Variants in ABCC4 observed in about 807,000 individuals in gnomAD.
The protein encoded by ABCC4 is ATP binding cassette subfamily C member 4 (PEL blood group), also known as ATP-binding cassette sub-family C member 4.
A neutral mutation model predicts 168.5 loss-of-function variants in ABCC4; 102 were observed. The observed-to-expected ratio is 0.61, with a 90% CI of 0.52 to 0.71. The LOEUF (loss-of-function observed/expected upper bound fraction) is 0.71, where lower values mean the gene tolerates loss of function less well. Among genes scored for constraint, ABCC4 ranks in the 30% least tolerant of loss-of-function variants. ABCC4 has a pLI of 0.00. For synonymous variants in ABCC4, 617 were observed against 590.7 expected, an observed-to-expected ratio of 1.04 and a Z score of -0.65; for missense variants, 1,402 against 1,605.8, an observed-to-expected ratio of 0.87 and a Z score of 2.17.
intron 24 of ABCC4, 98 bp downstream of exon 24, chr13:95,073,106 G>A: frequency 1.1e-6 from 1 of 933,172 alleles, no homozygotes; most frequent in Non-Finnish European, 1.6e-6. Flanking sequence ...TACCAAAGAT[G>A]TAAAAATAAC....
intron 20 of ABCC4, among the ~76,000 whole-genome samples, chr13:95,105,149 T>C (rs966305706): frequency 1.3e-5 from 2 of 151,718 alleles, no homozygotes; most frequent in Non-Finnish European, 2.9e-5. Context: ...CACTAGATTC[T>C]CATAAGGTAG....
At chr13:95,190,184 G>GA (rs945634415) in intron 9 of ABCC4, among the ~76,000 whole-genome samples, 8 of 150,930 alleles carry the variant, frequency 5.3e-5, no homozygotes, top group East Asian at 3.9e-4. Flanking sequence ...ATCTCTTAAA[G>GA]AAAAAAAAAT....
chr13:95,103,704 T>C lies in ABCC4; in HGVS notation c.2535+12218A>G, dbSNP rs114381442. On this transcript the variant is annotated intron_variant, in intron 20 of 30. Transcript: ENST00000645237. Reference sequence around the variant, plus strand: ...AAACCAGTATCCTTTCTTGTTTTCCTGATGCTGGTACAACCCCATCTTTCT... The same window carrying C: ...AAACCAGTATCCTTTCTTGTTTTCCCGATGCTGGTACAACCCCATCTTTCT... 4.9e-3 allele frequency among the ~76,000 whole-genome samples: 752 copies of C among 152,318 alleles called. 9 individuals are homozygous for C. The highest frequency in any genetic ancestry group is 0.017 in the African/African-American group (712 of 41,568).
chr13:95,083,200 T>C lies in ABCC4; in HGVS notation c.2626A>G (p.Ile876Val). ...TCCAAAAAATATCGCCGAAGAAAAA[T>C]GAAAATGATTCCAAGGGGAACCAAG... ...IPLVPLGIIF[I>V]FLRRYFLETS... Residue 876 changes from isoleucine (I) to valine (V), a missense_variant, in exon 21 of 31, where the codon ATT (isoleucine) becomes GTT (valine). Around this residue, in one of 3 missense-constraint regions of ABCC4, gnomAD observed 1,007 missense variants for 1,127.3 expected, o/e 0.89. Coordinates refer to ENST00000645237, the MANE Select transcript of ABCC4 (RefSeq NM_005845.5). 6.2e-7 allele frequency: 1 copy of C among 1,613,728 alleles called. No homozygotes were observed. Among genetic ancestry groups the C allele is most frequent in the Non-Finnish European group, 8.5e-7 (1 of 1,179,892 alleles).
At chr13:95,296,176 ACACACAC>A (rs1566609490) in intron 1 of ABCC4, among the ~76,000 whole-genome samples, 1,612 of 50,770 alleles carry the variant, frequency 0.032, 44 homozygotes, top group African/African-American at 0.077. Flanking sequence ...ACACACACAC[ACACACAC>A]AAAAACACAA....
At chr13:95,260,699 A>G (rs139241458) in intron 1 of ABCC4, among the ~76,000 whole-genome samples, 1 of 152,204 alleles carries the variant, frequency 6.6e-6, no homozygotes, top group African/African-American at 2.4e-5. Context: ...CTGGGGTGAT[A>G]ATGGGGTAAT....
intron 26 of ABCC4, among the ~76,000 whole-genome samples, chr13:95,058,587 AAAAAAG>A (rs1357573053): frequency 1.0e-4 from 7 of 69,834 alleles, no homozygotes; most frequent in Non-Finnish European, 1.5e-4. Context: ...AAAAAAAAAA[AAAAAAG>A]AAAAGAAAAA....
At chr13:95,283,491 T>C (rs770625573) in intron 1 of ABCC4, among the ~76,000 whole-genome samples, 5 of 146,894 alleles carry the variant, frequency 3.4e-5, no homozygotes, top group Non-Finnish European at 7.4e-5. Context: ...CATCTCAGCC[T>C]CCCAAGCAAC....
chr13:95,136,632 T>C (rs1047551515), intron 19 of ABCC4, among the ~76,000 whole-genome samples: 1 of 152,076 alleles, frequency 6.6e-6, no homozygotes, highest in Non-Finnish European at 1.5e-5. Context: ...AGCCAAAAGG[T>C]TCCTCTACAA....
At chr13:95,241,094 A>G (rs1594362284) in intron 3 of ABCC4, among the ~76,000 whole-genome samples, 1 of 152,074 alleles carries the variant, frequency 6.6e-6, no homozygotes, top group Non-Finnish European at 1.5e-5. Context: ...GCCAGGCACG[A>G]TGGCTCATGC....
intron 18 of ABCC4, among the ~76,000 whole-genome samples, chr13:95,162,140 C>G (rs2037118819): frequency 1.3e-5 from 2 of 152,176 alleles, no homozygotes; most frequent in South Asian, 4.1e-4. Flanking sequence ...GCTCAAATTC[C>G]TAACTCCATC....
chr13:95,035,037 C>T (rs2032059120), intron 29 of ABCC4, among the ~76,000 whole-genome samples: 1 of 152,142 alleles, frequency 6.6e-6, no homozygotes, highest in Non-Finnish European at 1.5e-5. Context: ...GGGTTCTTAT[C>T]ATTACTTAGT....
At chr13:95,085,265 C>G (rs2034219768) in intron 20 of ABCC4, among the ~76,000 whole-genome samples, 1 of 128,560 alleles carries the variant, frequency 7.8e-6, no homozygotes, top group African/African-American at 2.8e-5. Context: ...GTGGTGAAAC[C>G]CTATCTCTAC....
At chr13:95,056,306 T>G (rs1405214594) in intron 26 of ABCC4, among the ~76,000 whole-genome samples, 1 of 152,180 alleles carries the variant, frequency 6.6e-6, no homozygotes, top group Admixed American at 6.5e-5. Context: ...GGGCAGCTCA[T>G]CTCCCTGTGT....
At chr13:95,104,843 A>C (rs564363802) in intron 20 of ABCC4, among the ~76,000 whole-genome samples, 20 of 152,188 alleles carry the variant, frequency 1.3e-4, no homozygotes, top group Non-Finnish European at 2.6e-4. Context: ...GGTGCTGTGA[A>C]TCCAGAAGGT....
intron 20 of ABCC4, among the ~76,000 whole-genome samples, chr13:95,093,138 T>C (rs1181564739): frequency 6.6e-6 from 1 of 152,072 alleles, no homozygotes; most frequent in African/African-American, 2.4e-5. Context: ...TACCAATCCT[T>C]TGGACACTAT....
intron 20 of ABCC4, among the ~76,000 whole-genome samples, chr13:95,084,567 A>AT (rs1256380929): frequency 6.6e-6 from 1 of 152,132 alleles, no homozygotes; most frequent in African/African-American, 2.4e-5. Context: ...TTTGTCTTCT[A>AT]TTTCTCTTAC....
intron 29 of ABCC4, among the ~76,000 whole-genome samples, chr13:95,042,100 T>G (rs1445181626): frequency 6.6e-6 from 1 of 151,896 alleles, no homozygotes; most frequent in Non-Finnish European, 1.5e-5. Context: ...GAGTTGGGAG[T>G]GAGAAGGAAA....
intron 3 of ABCC4, among the ~76,000 whole-genome samples, chr13:95,239,947 C>T (rs1328432224): frequency 6.6e-6 from 1 of 152,188 alleles, no homozygotes; most frequent in Non-Finnish European, 1.5e-5. Context: ...AAGCAATGAT[C>T]ATGAATGGCT....
Sources: allele counts gnomAD v4.1 joint callset (sites outside exome capture counted in the v4.1 genomes callset), GRCh38; gene constraint gnomAD v4.1.1; regional missense constraint gnomAD v4.1.1; transcripts MANE v1.5; gene names NCBI Gene and HGNC (gene_info 2026-07-23, HGNC 2026-07-21).